CIMIP4: variants seen among roughly 807,000 people sequenced by gnomAD.
CIMIP4 encodes ciliary microtubule inner protein 4, also known as protein EAN57.
At chr22:36,993,947 G>A in the CIMIP4 span, among the ~76,000 whole-genome samples, 3 of 152,084 alleles carry the variant, frequency 2.0e-5, no homozygotes, top group Non-Finnish European at 2.9e-5. Flanking sequence ...GGATAAACAT[G>A]GAAGAACAGA....
At chr22:37,001,750 T>G in the CIMIP4 span, 1 of 1,322,404 alleles carries the variant, frequency 7.6e-7, no homozygotes, top group South Asian at 1.6e-5. Context: ...AGTGGTATTA[T>G]TATAGGGACT....
the CIMIP4 span, chr22:36,991,492 G>C: frequency 6.2e-7 from 1 of 1,614,042 alleles, no homozygotes; most frequent in Non-Finnish European, 8.5e-7. Flanking sequence ...CAGATCATCC[G>C]TCTTCCTGCC....
the CIMIP4 span, among the ~76,000 whole-genome samples, chr22:36,999,143 G>A: frequency 2.0e-5 from 3 of 151,826 alleles, no homozygotes; most frequent in Admixed American, 1.3e-4. Flanking sequence ...TGGGTCCTGG[G>A]CCTCCTACTG....
the CIMIP4 span, among the ~76,000 whole-genome samples, chr22:36,995,714 C>G: frequency 1.3e-5 from 2 of 152,176 alleles, no homozygotes; most frequent in African/African-American, 4.8e-5. Context: ...GGGGAAACTT[C>G]TTTCACTTGG....
At chr22:37,002,043 T>C in the CIMIP4 span, 1 of 1,610,496 alleles carries the variant, frequency 6.2e-7, no homozygotes, top group Non-Finnish European at 8.5e-7. Context: ...GAGCCCGCAT[T>C]CTTCAGGGAC....
the CIMIP4 span, chr22:37,007,850 G>A: frequency 6.6e-6 from 1 of 152,380 alleles, no homozygotes; most frequent in Non-Finnish European, 1.5e-5. Context: ...TTGCTGGGAA[G>A]TGGCCCTCCC....
At chr22:36,995,874 T>C in the CIMIP4 span, among the ~76,000 whole-genome samples, 5 of 152,286 alleles carry the variant, frequency 3.3e-5, no homozygotes, top group South Asian at 2.1e-4. Context: ...TTATCAGCAG[T>C]ATGAAAACAG....
chr22:37,001,877 A>C, the CIMIP4 span: 1 of 1,609,104 alleles, frequency 6.2e-7, no homozygotes. Flanking sequence ...ATTGCTCCCA[A>C]ACTTGTGGCG....
the CIMIP4 span, among the ~76,000 whole-genome samples, chr22:37,006,953 C>G: frequency 2.6e-5 from 4 of 152,116 alleles, no homozygotes; most frequent in Admixed American, 6.6e-5. Context: ...TGTGAGATGC[C>G]CTATGGAGAG....
At chr22:37,004,714 G>T in the CIMIP4 span, among the ~76,000 whole-genome samples, 2 of 151,390 alleles carry the variant, frequency 1.3e-5, no homozygotes, top group African/African-American at 2.4e-5. Context: ...TTGAGACAGG[G>T]TCTTACTCTG....
At chr22:37,004,868 A>G in the CIMIP4 span, among the ~76,000 whole-genome samples, 5 of 151,950 alleles carry the variant, frequency 3.3e-5, no homozygotes, top group Non-Finnish European at 5.9e-5. Context: ...TTGTATTTTT[A>G]GTAGAGACAG....
the CIMIP4 span, chr22:37,002,193 C>G: frequency 6.7e-7 from 1 of 1,484,466 alleles, no homozygotes; most frequent in Non-Finnish European, 9.0e-7. Flanking sequence ...GATGACAGAC[C>G]CTGGTTCTTG....
chr22:36,998,872 G>A, the CIMIP4 span, among the ~76,000 whole-genome samples: 1 of 152,034 alleles, frequency 6.6e-6, no homozygotes, highest in Non-Finnish European at 1.5e-5. Context: ...GAGTGCTCAC[G>A]ACTTGCCTCG....
the CIMIP4 span, among the ~76,000 whole-genome samples, chr22:36,996,438 C>CA: frequency 6.8e-6 from 1 of 147,090 alleles, no homozygotes; most frequent in Non-Finnish European, 1.5e-5. Context: ...TCAACAGCAG[C>CA]AAAAAAAGAG....
the CIMIP4 span, among the ~76,000 whole-genome samples, chr22:36,998,311 C>T: frequency 7.2e-5 from 11 of 152,104 alleles, no homozygotes; most frequent in South Asian, 2.1e-4. Context: ...ATCCCTTCTC[C>T]AAGCTCAGAG....
the CIMIP4 span, among the ~76,000 whole-genome samples, chr22:37,000,778 G>A: frequency 6.6e-6 from 1 of 152,334 alleles, no homozygotes; most frequent in East Asian, 1.9e-4. Flanking sequence ...GGCTGGGCAG[G>A]GTGGTGAGAG....
chr22:36,993,087 C>T, the CIMIP4 span, among the ~76,000 whole-genome samples: 1 of 150,314 alleles, frequency 6.7e-6, no homozygotes, highest in African/African-American at 2.5e-5. Flanking sequence ...TCTTGGCTCA[C>T]TGCAACCTCC....
the CIMIP4 span, among the ~76,000 whole-genome samples, chr22:36,994,692 G>A: frequency 1.4e-5 from 2 of 148,078 alleles, no homozygotes; most frequent in Admixed American, 6.8e-5. Flanking sequence ...GTGCAGTGGC[G>A]CAATCTCGGC....
chr22:37,000,924 A>G, the CIMIP4 span, among the ~76,000 whole-genome samples: 1 of 152,148 alleles, frequency 6.6e-6, no homozygotes, highest in South Asian at 2.1e-4. Context: ...AGGGGAGCCT[A>G]GGAGAAGCCT....
Sources: gnomAD v4.1 joint callset for allele counts (sites outside exome capture counted in the v4.1 genomes callset) on GRCh38, gnomAD v4.1.1 for gene constraint, MANE v1.5 for transcripts, NCBI Gene and HGNC (gene_info 2026-07-23, HGNC 2026-07-21) for gene names.